CSGALNACT1: variants seen among roughly 807,000 people sequenced by gnomAD.
CSGALNACT1 encodes beta4GalNAcT-1.
In CSGALNACT1, 52 loss-of-function variants were observed where a neutral mutation model predicts 51.0. That is an observed-to-expected ratio of 1.02 (90% CI 0.82 to 1.29). The LOEUF is 1.29. Ranked by LOEUF, CSGALNACT1 falls within the 50% of genes most tolerant of loss-of-function variation. CSGALNACT1 has a pLI of 0.00. For synonymous variants in CSGALNACT1, 341 were observed against 254.4 expected, an observed-to-expected ratio of 1.34 and a Z score of -3.24; for missense variants, 935 against 679.2, an observed-to-expected ratio of 1.38 and a Z score of -4.19.
At chr8:19,566,339 A>G (rs1481302018) in intron 3 of CSGALNACT1, among the ~76,000 whole-genome samples, 2 of 151,452 alleles carry the variant, frequency 1.3e-5, no homozygotes, top group African/African-American at 4.9e-5. Flanking sequence ...TCTCTCCTGG[A>G]GTCTTCAGAG....
rs1438382761 is a variant in CSGALNACT1 at position 19,616,246 on chromosome 8, T to G, written c.-543-14381A>C. 4.6e-5 allele frequency among the ~76,000 whole-genome samples: 7 copies of G among 152,338 alleles called. No homozygotes were observed. The East Asian group carries it at 1.4e-3, about 29-fold the overall frequency. On this transcript the variant is annotated intron_variant, in intron 1 of 9. Coordinates refer to the CSGALNACT1 transcript ENST00000332246. ...TAAATTAGGGAAGATCTTTAGTTAT[T>G]TCTTTATGCTACTTGTTGCTATTTT...
chr8:19,649,523 T>C (rs1460410951), intron 1 of CSGALNACT1, among the ~76,000 whole-genome samples: 2 of 152,136 alleles, frequency 1.3e-5, no homozygotes, highest in African/African-American at 4.8e-5. Context: ...GTTGTCTTAG[T>C]CCTATGTGTT....
chr8:19,459,840 G>A (rs933064716), intron 4 of CSGALNACT1, among the ~76,000 whole-genome samples: 1 of 152,140 alleles, frequency 6.6e-6, no homozygotes, highest in African/African-American at 2.4e-5. Context: ...CTCTGAGAAG[G>A]TAGAGAGGCA....
In CSGALNACT1 at chr8:19,666,760, GAAGAAAGAAAGA is replaced by G. The variant is rs560533569; in HGVS notation, c.-544+15701_-544+15712del. Among the ~76,000 whole-genome samples, 164 of 56,618 alleles carry G rather than the reference GAAGAAAGAAAGA, an allele frequency of 2.9e-3. 3 individuals carry two copies. Among genetic ancestry groups the G allele is most frequent in the African/African-American group, 7.4e-3 (93 of 12,606 alleles). 37.1% of individuals were successfully genotyped at this position (56,618 alleles called of 152,430 possible). A position where few individuals can be genotyped will look rare whatever the true frequency, so the allele number is the denominator to read the frequency against. ...AGAAACACAAGAAACAAGAAAGAAAGAAGAAAGAAAGAAAGAAAGAAAGAAAGAAAGAAAGAA... is the reference window on the plus strand; with the variant it reads ...AGAAACACAAGAAACAAGAAAGAAAGAAGAAAGAAAGAAAGAAAGAAAGAA... On this transcript the variant is annotated intron_variant, in intron 1 of 9. Transcript: ENST00000332246.
chr8:19,494,909 C>T (rs28671342), intron 4 of CSGALNACT1: 54,740 of 144,114 alleles, frequency 0.38, 10,671 homozygotes, highest in African/African-American at 0.44. Context: ...GCAGGAGGGT[C>T]GGGTAGGATT....
At chr8:19,562,976 A>T (rs1231859667) in intron 3 of CSGALNACT1, among the ~76,000 whole-genome samples, 1 of 152,246 alleles carries the variant, frequency 6.6e-6, no homozygotes, top group Non-Finnish European at 1.5e-5. Context: ...ATACATGCAC[A>T]TGTATGTTCA....
chr8:19,430,237 G>C (rs1043519671), intron 6 of CSGALNACT1, among the ~76,000 whole-genome samples: 1 of 152,110 alleles, frequency 6.6e-6, no homozygotes, highest in African/African-American at 2.4e-5. Flanking sequence ...CTAGTTGCTA[G>C]GGTTTAAAAG....
At chr8:19,658,133 C>T (rs1298840009) in intron 1 of CSGALNACT1, among the ~76,000 whole-genome samples, 1 of 146,830 alleles carries the variant, frequency 6.8e-6, no homozygotes, top group African/African-American at 2.5e-5. Context: ...GGAGATGGGG[C>T]CTTTGGAAAG....
intron 1 of CSGALNACT1, among the ~76,000 whole-genome samples, chr8:19,671,681 AG>A (rs2059805618): frequency 1.3e-5 from 2 of 152,232 alleles, no homozygotes; most frequent in Admixed American, 1.3e-4. Flanking sequence ...GTATGTTAAA[AG>A]GTAGTAGGGA....
chr8:19,433,429 G>A (rs2059930173), intron 6 of CSGALNACT1, among the ~76,000 whole-genome samples: 1 of 152,176 alleles, frequency 6.6e-6, no homozygotes, highest in Non-Finnish European at 1.5e-5. Flanking sequence ...GCTTTTCAAA[G>A]GCCCTATGAA....
At chr8:19,694,857 C>A (rs1266137766) in intron 1 of CSGALNACT1, among the ~76,000 whole-genome samples, 1 of 152,166 alleles carries the variant, frequency 6.6e-6, no homozygotes, top group Non-Finnish European at 1.5e-5. Context: ...TAAAATGATC[C>A]AATGCACTAA....
At chr8:19,522,553 G>C (rs4921658) in intron 3 of CSGALNACT1, among the ~76,000 whole-genome samples, 107,839 of 152,082 alleles carry the variant, frequency 0.71, 40,163 homozygotes, top group Non-Finnish European at 0.83. Context: ...TCCTGGCACA[G>C]TGGAGGAGGA....
exon 4 of CSGALNACT1, chr8:19,505,302 T>C (rs1281788200): frequency 1.2e-6 from 2 of 1,614,008 alleles, no homozygotes; most frequent in Non-Finnish European, 8.5e-7. Flanking sequence ...CACCAACTCA[T>C]CCCGCTTGTC....
intron 8 of CSGALNACT1, among the ~76,000 whole-genome samples, chr8:19,417,271 G>C (rs964195095): frequency 6.6e-6 from 1 of 152,058 alleles, no homozygotes; most frequent in Non-Finnish European, 1.5e-5. Flanking sequence ...TTCCACTAGG[G>C]GAAAAGAGAA....
chr8:19,603,938 C>G (rs557594269), upstream of CSGALNACT1, among the ~76,000 whole-genome samples: 3 of 152,344 alleles, frequency 2.0e-5, no homozygotes, highest in Non-Finnish European at 4.4e-5. Context: ...GTTTTCTCAT[C>G]TACACACAGT....
chr8:19,526,569 G>A (rs1349828969), intron 3 of CSGALNACT1, among the ~76,000 whole-genome samples: 6 of 152,008 alleles, frequency 3.9e-5, no homozygotes, highest in Non-Finnish European at 7.4e-5. Flanking sequence ...GTGACAGAGC[G>A]AGACTCTGTT....
chr8:19,458,309 A>C (rs1467847309), intron 5 of CSGALNACT1, 117 bp downstream of exon 4: 1 of 916,300 alleles, frequency 1.1e-6, no homozygotes, highest in East Asian at 2.4e-5. Flanking sequence ...AACAGAGCTG[A>C]ATAAGAGAAA....
intron 3 of CSGALNACT1, among the ~76,000 whole-genome samples, chr8:19,551,704 C>T (rs2088153451): frequency 6.6e-6 from 1 of 152,124 alleles, no homozygotes; most frequent in Admixed American, 6.6e-5. Flanking sequence ...TCGGTACTCT[C>T]CCTTCTGCTA....
At chr8:19,578,870 G>A (rs890026590) in intron 3 of CSGALNACT1, among the ~76,000 whole-genome samples, 5 of 151,976 alleles carry the variant, frequency 3.3e-5, no homozygotes, top group Middle Eastern at 3.2e-3. Context: ...TCAAGACCAC[G>A]TCGACCCTGC....
Sources: allele counts gnomAD v4.1 joint callset (sites outside exome capture counted in the v4.1 genomes callset), GRCh38; gene constraint gnomAD v4.1.1; transcripts MANE v1.5; gene names NCBI Gene and HGNC (gene_info 2026-07-23, HGNC 2026-07-21).